ARL2: variants seen among roughly 807,000 people sequenced by gnomAD.
ARL2 encodes the protein ADP-ribosylation factor-like protein 2.
In ARL2, 11 loss-of-function variants were observed where a neutral mutation model predicts 22.0. The observed-to-expected ratio is 0.50, with a 90% confidence interval of 0.31 to 0.83. ARL2 has a LOEUF of 0.83. ARL2 is among the 40% of genes least tolerant of loss of function. ARL2 has a pLI of 0.04. For missense variants in ARL2, 216 were observed against 243.2 expected, an observed-to-expected ratio of 0.89 and a Z score of 0.74; for synonymous variants, 111 against 100.8, an observed-to-expected ratio of 1.10 and a Z score of -0.61.
chr11:65,015,187 C>T lies in ARL2; in HGVS notation c.65+915C>T, dbSNP rs902541695. ...GGAGTGCAGTGGCACAATCTCAGCT[C>T]GCTGCAACCTCCGCCCCCCGAGTTC... is the stretch of plus-strand genomic sequence containing the variant. On this transcript the variant is annotated intron_variant, in intron 1 of 4. Coordinates refer to ENST00000246747, the MANE Select transcript of ARL2 (RefSeq NM_001667.4). 5.9e-5 allele frequency among the ~76,000 whole-genome samples: 9 copies of T among 152,304 alleles called. No homozygotes were observed. The East Asian group carries it at 1.2e-3, about 20-fold the overall frequency.
chr11:65,018,825 C>CAG lies in ARL2; in HGVS notation c.339+95_339+96dup. 6.4e-7 allele frequency: 1 copy of CAG among 1,565,662 alleles called. No homozygotes were observed. Among genetic ancestry groups the CAG allele is most frequent in the Non-Finnish European group, 8.6e-7 (1 of 1,161,356 alleles). ...GGGGCCCGTGGCCCCAGAGGGAAAC[C>CAG]AGAGGCAGGATCCCTTCCTTCTCTG... On this transcript the variant is annotated intron_variant, in intron 3 of 4. Coordinates refer to ENST00000246747, the MANE Select transcript of ARL2 (RefSeq NM_001667.4). The surrounding 1 kb of genome is among the most constrained non-coding windows in gnomAD (Gnocchi z 4.2).
Position 65,014,181 on chromosome 11 carries a change from G to C in ARL2, c.-27G>C. 2.6e-6 allele frequency: 4 copies of C among 1,542,788 alleles called. No individual in the cohort carries two copies. Among genetic ancestry groups the C allele is most frequent in the Non-Finnish European group, 3.5e-6 (4 of 1,148,510 alleles). ...CGGGGTCCCGGGACTGGGAAGAAAC[G>C]GCGGCCGGGAGGGGGCTCCGGGGAC... On this transcript the variant is annotated 5_prime_UTR_variant, in exon 1 of 5. Transcript: ENST00000246747.
chr11:65,021,875 A>G lies in ARL2; in HGVS notation c.*20A>G. The stretch of plus-strand genomic sequence containing the variant: ...GACTGAACCACTCCAGATGCCCCCC[A>G]CCTAGCAGTCCAGGTCCCTCAACCT... On this transcript the variant is annotated 3_prime_UTR_variant, in exon 5 of 5. Transcript: ENST00000246747. 1 of 1,606,954 alleles carries G rather than the reference A, an allele frequency of 6.2e-7. No individual in the cohort carries two copies. The highest frequency in any genetic ancestry group is 1.3e-5 in the African/African-American group (1 of 74,940).
At chr11:65,014,665 C>A (rs1251558331) in intron 1 of ARL2, among the ~76,000 whole-genome samples, 1 of 152,238 alleles carries the variant, frequency 6.6e-6, no homozygotes, top group African/African-American at 2.4e-5. Flanking sequence ...AGCTCCGAAT[C>A]CCGGGGGCGT....
At chr11:65,020,593 G>A (rs184784503) in intron 4 of ARL2, 94 bp downstream of exon 4, 8 of 1,299,960 alleles carry the variant, frequency 6.2e-6, no homozygotes, top group Non-Finnish European at 7.4e-6. Context: ...AAAAGGCTGG[G>A]TGCAGTGGCT....
chr11:65,022,026 G>A lies in ARL2; in HGVS notation c.*171G>A, dbSNP rs1050199311. 25 of 997,446 alleles carry A rather than the reference G, an allele frequency of 2.5e-5. No homozygotes were observed. The highest frequency in any genetic ancestry group is 1.5e-4 in the African/African-American group (9 of 61,932). 61.8% of individuals were successfully genotyped at this position (997,446 alleles called of 1,614,324 possible). On this transcript the variant is annotated 3_prime_UTR_variant, in exon 5 of 5. Transcript: ENST00000246747. ...TCTGTGGCCACCCGGCTCCCATGGCGGGAGGGCTGTGCCCTGGCTGTCTCT... is the reference window on the plus strand; with the variant it reads ...TCTGTGGCCACCCGGCTCCCATGGCAGGAGGGCTGTGCCCTGGCTGTCTCT...
intron 1 of ARL2, among the ~76,000 whole-genome samples, chr11:65,016,217 A>C (rs1254261611): frequency 6.9e-6 from 1 of 144,972 alleles, no homozygotes; most frequent in Non-Finnish European, 1.5e-5. Flanking sequence ...AAAAAAAAAA[A>C]AATGACAATT....
chr11:65,015,274 C>T (rs1433287176), intron 1 of ARL2, among the ~76,000 whole-genome samples: 4 of 152,182 alleles, frequency 2.6e-5, no homozygotes, highest in Non-Finnish European at 5.9e-5. Context: ...CCACCACGCC[C>T]GGCTATTTTT....
Position 65,020,431 on chromosome 11 carries a change from G to A in ARL2, c.352G>A (p.Ala118Thr), listed in dbSNP as rs946607464. ...SLLVEERLAGATLLIFANKQD... is the reference protein window; with the variant it reads ...SLLVEERLAGTTLLIFANKQD... Reference sequence around the variant, plus strand: ...TTTTCTCCCCCAGCGCCTGGCCGGAGCAACCCTCCTCATCTTTGCTAATAA... The same window carrying A: ...TTTTCTCCCCCAGCGCCTGGCCGGAACAACCCTCCTCATCTTTGCTAATAA... The change falls in exon 4 of 5, where the codon GCA becomes ACA. Residue 118 changes from alanine (A) to threonine (T), a missense_variant. Ala to Thr is a moderately conservative substitution (Grantham distance 58). Transcript: ENST00000246747. The A allele has an allele frequency of 1.9e-6, 3 of 1,612,930 alleles. No homozygotes were observed. Among genetic ancestry groups the A allele is most frequent in the Admixed American group, 1.7e-5 (1 of 59,924 alleles).
In ARL2 at chr11:65,021,957, C is replaced by G; in HGVS notation, c.*102C>G. On this transcript the variant is annotated 3_prime_UTR_variant, in exon 5 of 5. Coordinates refer to ENST00000246747, the MANE Select transcript of ARL2 (RefSeq NM_001667.4). ...TCAGCCGGCCAAACTAACACTCCCC[C>G]TCCTCCACCCCAGCCTGCTGCTGCT... The G allele has an allele frequency of 4.1e-6, 6 of 1,466,650 alleles. No homozygotes were observed. The South Asian group carries it at 6.4e-5, about 16-fold the overall frequency. 90.9% of individuals were successfully genotyped at this position (1,466,650 alleles called of 1,614,324 possible). A position where few individuals can be genotyped will look rare whatever the true frequency, so the allele number is the denominator to read the frequency against.
In ARL2 at chr11:65,015,279, A is replaced by G. The variant is rs575657427; in HGVS notation, c.65+1007A>G. 3.3e-5 allele frequency among the ~76,000 whole-genome samples: 5 copies of G among 152,166 alleles called. No individual in the cohort carries two copies. In the East Asian group the frequency reaches 9.6e-4, roughly 29 times the overall value. Reference sequence around the variant, plus strand: ...CAGGTGCCCGCCACCACGCCCGGCTATTTTTTTAAATATTGTTAGTAGAGA... The same window carrying G: ...CAGGTGCCCGCCACCACGCCCGGCTGTTTTTTTAAATATTGTTAGTAGAGA... On this transcript the variant is annotated intron_variant, in intron 1 of 4. Transcript: ENST00000246747.
In ARL2 at chr11:65,022,046, GTC is replaced by G; in HGVS notation, c.*197_*198del. 1 of 813,708 alleles carries G rather than the reference GTC, an allele frequency of 1.2e-6. No homozygotes were observed. Among genetic ancestry groups the G allele is most frequent in the Non-Finnish European group, 1.9e-6 (1 of 530,854 alleles). 50.4% of individuals were successfully genotyped at this position (813,708 alleles called of 1,614,324 possible). On this transcript the variant is annotated 3_prime_UTR_variant, in exon 5 of 5. Transcript: ENST00000246747. The stretch of plus-strand genomic sequence containing the variant: ...ATGGCGGGAGGGCTGTGCCCTGGCT[GTC>G]TCTCTGGCTCCTGACCTGGCCTTTG...
In ARL2 at chr11:65,018,749, C is replaced by A. The variant is rs376542433; in HGVS notation, c.339+16C>A. ...GGTGGAGGAGGTGGGCAGCTCCTAC[C>A]CTTTGTGTACATGTATGGACGTGTG... On this transcript the variant is annotated intron_variant, in intron 3 of 4. Transcript: ENST00000246747. The surrounding 1 kb of genome is among the most constrained non-coding windows in gnomAD (Gnocchi z 4.2). 63 of 1,613,424 alleles carry A rather than the reference C, an allele frequency of 3.9e-5. No homozygotes were observed. The highest frequency in any genetic ancestry group is 4.8e-5 in the Non-Finnish European group (57 of 1,179,994).
rs764369522 is a variant in ARL2 at position 65,021,764 on chromosome 11, AG to A, written c.467del (p.Gly156AlafsTer38). ...ATCCGCAGCCACCACTGGTGCATCC[AG>A]GGCTGCAGCGCCGTCACCGGGGAGA... ...DSIRSHHWCI[Q>X]GCSAVTGENL... On this transcript the variant is annotated frameshift_variant, in exon 5 of 5. Transcript: ENST00000246747. LOFTEE classifies it high-confidence loss of function. 1 of 1,612,302 alleles carries A rather than the reference AG, an allele frequency of 6.2e-7. No homozygotes were observed. Among genetic ancestry groups the A allele is most frequent in the East Asian group, 2.2e-5 (1 of 44,884 alleles).
chr11:65,020,439 C>A lies in ARL2; in HGVS notation c.360C>A (p.Leu120=), dbSNP rs370382116. Residue 120 remains leucine, a synonymous_variant, in exon 4 of 5, where the codon CTC becomes CTA. Coordinates refer to ENST00000246747, the MANE Select transcript of ARL2 (RefSeq NM_001667.4). ...CCCAGCGCCTGGCCGGAGCAACCCT[C>A]CTCATCTTTGCTAATAAGCAGGACC... The part of the protein sequence containing the change: ...LVEERLAGAT[L]LIFANKQDLP... 1 of 1,613,208 alleles carries A rather than the reference C, an allele frequency of 6.2e-7. No homozygotes were observed. Among genetic ancestry groups the A allele is most frequent in the Non-Finnish European group, 8.5e-7 (1 of 1,179,648 alleles).
At chr11:65,017,990 C>T (rs974407393) in intron 1 of ARL2, among the ~76,000 whole-genome samples, 1 of 152,234 alleles carries the variant, frequency 6.6e-6, no homozygotes, top group Non-Finnish European at 1.5e-5. Flanking sequence ...CTCCGATGGC[C>T]CTCTTGGAAA....
At position 65,020,494 on chromosome 11, in the gene ARL2, C is replaced by T. The variant is rs145536227; in HGVS notation, c.415C>T (p.Arg139Cys). Residue 139 changes from arginine to cysteine, a missense_variant, in exon 4 of 5, where the codon CGC (arginine) becomes TGC (cysteine). Coordinates refer to ENST00000246747, the MANE Select transcript of ARL2 (RefSeq NM_001667.4). ...LPGALSSNAI[R>C]EVLELDSIRS... ...TGGAGCACTGTCCTCTAACGCCATC[C>T]GCGAGGTGAGTCCAGGCCCCGGGAC... 2.1e-4 allele frequency: 341 copies of T among 1,609,304 alleles called. 1 individual carries two copies. In the African/African-American group the frequency reaches 3.5e-3, roughly 16 times the overall value.
rs1946315277 is a variant in ARL2 at position 65,020,509 on chromosome 11, G to A, written c.420+10G>A. ...TAACGCCATCCGCGAGGTGAGTCCA[G>A]GCCCCGGGACAGGCTCGCTGAGGGA... On this transcript the variant is annotated intron_variant, in intron 4 of 4. Transcript: ENST00000246747. The A allele has an allele frequency of 6.2e-7, 1 of 1,604,546 alleles. No homozygotes were observed. The highest frequency in any genetic ancestry group is 1.7e-5 in the Admixed American group (1 of 59,430).
At chr11:65,017,143 A>G (rs926216198) in intron 1 of ARL2, among the ~76,000 whole-genome samples, 1 of 152,054 alleles carries the variant, frequency 6.6e-6, no homozygotes, top group Non-Finnish European at 1.5e-5. Context: ...CTGTAAAAGG[A>G]AAGATATAAA....
Sources: allele counts gnomAD v4.1 joint callset (sites outside exome capture counted in the v4.1 genomes callset), GRCh38; gene constraint gnomAD v4.1.1; non-coding constraint Gnocchi (gnomAD v3.1); transcripts MANE v1.5; gene names NCBI Gene and HGNC (gene_info 2026-07-23, HGNC 2026-07-21).